Variants in HPSE2 observed in about 807,000 individuals in gnomAD.
HPSE2 encodes inactive heparanase-2.
Under a neutral mutation model 60.5 loss-of-function variants are expected in HPSE2, and 38 were observed. The observed-to-expected ratio is 0.63, with a 90% CI of 0.48 to 0.82. The LOEUF is 0.82. Among genes scored for constraint, HPSE2 ranks in the 40% least tolerant of loss-of-function variants. The pLI, the probability that HPSE2 is intolerant of heterozygous loss-of-function variation, is 0.00. For missense variants in HPSE2, 713 were observed against 740.4 expected, an observed-to-expected ratio of 0.96 and a Z score of 0.43; for synonymous variants, 295 against 293.2, an observed-to-expected ratio of 1.01 and a Z score of -0.06.
chr10:99,295,496 GTTA>G, the HPSE2 span, among the ~76,000 whole-genome samples: 3 of 152,144 alleles, frequency 2.0e-5, no homozygotes, highest in Non-Finnish European at 4.4e-5. Flanking sequence ...CACACTCACA[GTTA>G]TTATTCCAAC....
At chr10:98,681,431 A>G (rs1947785062) in intron 6 of HPSE2, among the ~76,000 whole-genome samples, 4 of 152,162 alleles carry the variant, frequency 2.6e-5, no homozygotes, top group Admixed American at 2.6e-4. Flanking sequence ...CAAATGACCA[A>G]TTCATGATGT....
chr10:99,137,741 C>A (rs1319894210), intron 3 of HPSE2, among the ~76,000 whole-genome samples: 1 of 152,148 alleles, frequency 6.6e-6, no homozygotes, highest in Non-Finnish European at 1.5e-5. Context: ...AAAATCAACT[C>A]AAGATGGAAC....
At chr10:98,524,971 GGAA>G (rs1235179773) in intron 9 of HPSE2, among the ~76,000 whole-genome samples, 1 of 152,168 alleles carries the variant, frequency 6.6e-6, no homozygotes, top group Non-Finnish European at 1.5e-5. Context: ...GAGAGAGACT[GGAA>G]GAAAAGACAA....
intron 6 of HPSE2, among the ~76,000 whole-genome samples, chr10:98,672,109 A>G (rs1299420748): frequency 6.6e-6 from 1 of 152,240 alleles, no homozygotes; most frequent in Non-Finnish European, 1.5e-5. Flanking sequence ...CTTGACTTCT[A>G]TAGGCCAAGT....
chr10:98,506,649 G>C (rs1432372292), intron 9 of HPSE2, among the ~76,000 whole-genome samples: 1 of 151,966 alleles, frequency 6.6e-6, no homozygotes, highest in South Asian at 2.1e-4. Context: ...GTAGAGACAG[G>C]GTCTTGCTAT....
intron 7 of HPSE2, among the ~76,000 whole-genome samples, chr10:98,630,603 T>C (rs1258295859): frequency 6.6e-6 from 1 of 152,146 alleles, no homozygotes; most frequent in African/African-American, 2.4e-5. Flanking sequence ...TGTGAAACTT[T>C]CCTCAAAACT....
At chr10:98,832,697 C>A (rs754610587) in intron 3 of HPSE2, among the ~76,000 whole-genome samples, 1 of 152,098 alleles carries the variant, frequency 6.6e-6, no homozygotes, top group South Asian at 2.1e-4. Flanking sequence ...TGACCAGATA[C>A]CACTGATCCA....
intron 3 of HPSE2, among the ~76,000 whole-genome samples, chr10:98,905,966 G>T (rs1953804768): frequency 6.6e-6 from 1 of 152,142 alleles, no homozygotes; most frequent in Non-Finnish European, 1.5e-5. Context: ...CCTGGCTGCT[G>T]GGAGTGTTGC....
chr10:98,967,708 G>T (rs1955847854), intron 3 of HPSE2, among the ~76,000 whole-genome samples: 1 of 151,964 alleles, frequency 6.6e-6, no homozygotes, highest in Non-Finnish European at 1.5e-5. Flanking sequence ...ATAATGAACT[G>T]GTAAAGCAAA....
chr10:99,265,472 T>C, the HPSE2 span, among the ~76,000 whole-genome samples: 6 of 152,156 alleles, frequency 3.9e-5, no homozygotes, highest in Admixed American at 3.9e-4. Flanking sequence ...GAAGAATAGC[T>C]AGTGGACACT....
At chr10:98,770,478 T>A (rs907680276) in intron 3 of HPSE2, among the ~76,000 whole-genome samples, 2 of 152,212 alleles carry the variant, frequency 1.3e-5, no homozygotes, top group African/African-American at 4.8e-5. Flanking sequence ...ACACTTCCCA[T>A]GAGCTGCTTC....
chr10:99,297,052 C>A, the HPSE2 span, among the ~76,000 whole-genome samples: 1 of 152,182 alleles, frequency 6.6e-6, no homozygotes, highest in African/African-American at 2.4e-5. Context: ...GCTACATTTT[C>A]CCCGGCAAGC....
At chr10:98,794,902 T>C (rs9804293) in intron 3 of HPSE2, among the ~76,000 whole-genome samples, 5,713 of 150,504 alleles carry the variant, frequency 0.038, 236 homozygotes, top group East Asian at 0.17. Context: ...GGCAAATGCC[T>C]GTGAATTAAA....
intron 9 of HPSE2, among the ~76,000 whole-genome samples, chr10:98,565,727 C>G (rs1944323444): frequency 6.6e-6 from 1 of 152,108 alleles, no homozygotes; most frequent in South Asian, 2.1e-4. Context: ...GTTTCTGGTT[C>G]TAGAAAAACT....
intron 3 of HPSE2, among the ~76,000 whole-genome samples, chr10:98,870,601 GC>G (rs1189458355): frequency 2.0e-5 from 3 of 152,054 alleles, no homozygotes; most frequent in African/African-American, 7.2e-5. Flanking sequence ...AATACTAAAT[GC>G]AAAAAATAAA....
chr10:98,829,922 T>C (rs918181142), intron 3 of HPSE2, among the ~76,000 whole-genome samples: 2 of 152,230 alleles, frequency 1.3e-5, no homozygotes, highest in Admixed American at 6.5e-5. Flanking sequence ...TGCAGCTGTG[T>C]TACATAGGTA....
At position 98,901,863 on chromosome 10, in the gene HPSE2, A is replaced by T. The variant is rs571894297; in HGVS notation, c.611-157807T>A. The stretch of plus-strand genomic sequence containing the variant: ...ACTATGAGGATTATAAGGATTAAAG[A>T]GGTAATGCATGTAAAGCAGTTAACA... On this transcript the variant is annotated intron_variant, in intron 3 of 11. Transcript: ENST00000370552. 1.1e-4 allele frequency among the ~76,000 whole-genome samples: 16 copies of T among 152,316 alleles called. No individual in the cohort carries two copies. In the South Asian group the frequency reaches 3.3e-3, roughly 32 times the overall value.
intron 2 of HPSE2, among the ~76,000 whole-genome samples, chr10:99,154,691 A>C (rs10883284): frequency 0.49 from 72,276 of 148,648 alleles, 20,095 homozygotes; most frequent in East Asian, 0.64. Flanking sequence ...GAAACTGCAT[A>C]AACTAACGAG....
At chr10:98,690,664 G>A (rs968423312) in intron 6 of HPSE2, among the ~76,000 whole-genome samples, 1 of 151,628 alleles carries the variant, frequency 6.6e-6, no homozygotes, top group South Asian at 2.1e-4. Flanking sequence ...GCCTTTTTTG[G>A]TCATAAGCCA....
Sources: allele counts gnomAD v4.1 joint callset (sites outside exome capture counted in the v4.1 genomes callset), GRCh38; gene constraint gnomAD v4.1.1; transcripts MANE v1.5; gene names NCBI Gene and HGNC (gene_info 2026-07-23, HGNC 2026-07-21).